Variants in BTD observed in about 807,000 individuals in gnomAD.
The protein encoded by BTD is biocytinase.
Under a neutral mutation model 17.7 loss-of-function variants are expected in BTD, and 13 were observed. That is an observed-to-expected ratio of 0.74 (90% CI 0.48 to 1.17). The LOEUF is 1.17. Among genes scored for constraint, BTD ranks in the 50% most tolerant of loss-of-function variants. The pLI is 0.00. For missense variants in BTD, 674 were observed against 650.4 expected, an observed-to-expected ratio of 1.04 and a Z score of -0.39; for synonymous variants, 240 against 245.2, an observed-to-expected ratio of 0.98 and a Z score of 0.20.
intron 1 of BTD, among the ~76,000 whole-genome samples, chr3:15,633,518 GT>G (rs1200596459): frequency 6.6e-6 from 1 of 152,170 alleles, no homozygotes; most frequent in African/African-American, 2.4e-5. Flanking sequence ...CGGTTTCCTT[GT>G]TTTGCTGGAT....
rs1260349630 is a variant in BTD at position 15,648,830 on chromosome 3, G to C, written c.*3342G>C. On this transcript the variant is annotated 3_prime_UTR_variant, in exon 4 of 4. Coordinates refer to ENST00000643237, the MANE Select transcript of BTD (RefSeq NM_001370658.1). ...ATATGACATGTCCTTATCAGAAGAG[G>C]AGAAGACACACACACAGGGAGAAGA... Among the ~76,000 whole-genome samples, 5 of 149,444 alleles carry C rather than the reference G, an allele frequency of 3.3e-5. No individual in the cohort carries two copies. The highest frequency in any genetic ancestry group is 1.2e-4 in the African/African-American group (5 of 40,712).
chr3:15,606,882 C>T (rs1262121877), intron 1 of BTD: 1 of 151,780 alleles, frequency 6.6e-6, no homozygotes, highest in East Asian at 1.9e-4. Context: ...CGGCCCAACA[C>T]AAATTCATAA....
At chr3:15,691,389 C>T (rs1303608372) in intron 3 of BTD, among the ~76,000 whole-genome samples, 4 of 152,238 alleles carry the variant, frequency 2.6e-5, no homozygotes, top group Admixed American at 6.5e-5. Context: ...TCCCAAAGTG[C>T]TGGGATTACA....
At chr3:15,656,106 TTTG>T (rs2065868665), downstream of BTD, among the ~76,000 whole-genome samples, 2 of 152,194 alleles carry the variant, frequency 1.3e-5, no homozygotes, top group African/African-American at 4.8e-5. Flanking sequence ...CCCAGCCTAC[TTTG>T]TTATTATTAT....
intron 3 of BTD, among the ~76,000 whole-genome samples, chr3:15,693,567 A>G (rs570071074): frequency 7.2e-4 from 110 of 152,324 alleles, no homozygotes; most frequent in African/African-American, 2.6e-3. Context: ...GCACCTAGAA[A>G]GTGCTCAAGA....
chr3:15,702,423 A>G (rs2070751234), intron 3 of BTD, among the ~76,000 whole-genome samples: 1 of 152,246 alleles, frequency 6.6e-6, no homozygotes, highest in Non-Finnish European at 1.5e-5. Context: ...TGAAACGCAG[A>G]CAATTAAGAA....
rs1480435742 is a variant in BTD, at chr3:15,645,287, G to A, written c.1371G>A (p.Glu457=). 2.5e-6 allele frequency: 4 copies of A among 1,614,082 alleles called. No individual in the cohort carries two copies. In the African/African-American group the frequency reaches 5.3e-5, roughly 22 times the overall value. The stretch of plus-strand genomic sequence containing the variant: ...ACACCTGTGGACAGGAAATCACAGA[G>A]GCCACGGGGATATTTGAGTTTCACC... ...GFDTCGQEIT[E]ATGIFEFHLW... Residue 457 remains glutamate (E), a synonymous_variant, in exon 4 of 4, where the codon GAG becomes GAA. Coordinates refer to ENST00000643237, the MANE Select transcript of BTD (RefSeq NM_001370658.1).
intron 3 of BTD, among the ~76,000 whole-genome samples, chr3:15,661,776 T>G (rs1162822996): frequency 6.6e-6 from 1 of 152,234 alleles, no homozygotes; most frequent in Non-Finnish European, 1.5e-5. Flanking sequence ...TACATTTAGT[T>G]CTGTGATCCA....
chr3:15,645,087 A>G lies in BTD; in HGVS notation c.1171A>G (p.Lys391Glu). The change falls in exon 4 of 4, where the codon AAG becomes GAG. Residue 391 changes from lysine (K) to glutamate (E), a missense_variant. Lys to Glu is a moderately conservative substitution (Grantham distance 56, BLOSUM62 1). Coordinates refer to ENST00000643237, the MANE Select transcript of BTD (RefSeq NM_001370658.1). ...DNFTLVPVWG[K>E]EGYLHVCSNG... ...TTTCACCCTGGTCCCTGTCTGGGGA[A>G]AGGAAGGCTATCTCCACGTCTGTTC... 6.2e-7 allele frequency: 1 copy of G among 1,614,170 alleles called. No homozygotes were observed. The highest frequency in any genetic ancestry group is 1.3e-5 in the African/African-American group (1 of 75,040).
At chr3:15,663,020 G>A (rs545819410) in intron 3 of BTD, among the ~76,000 whole-genome samples, 2 of 150,782 alleles carry the variant, frequency 1.3e-5, no homozygotes, top group East Asian at 3.9e-4. Context: ...TTTTTGAGAC[G>A]GAGTTTCGCT....
chr3:15,635,749 T>C lies in BTD; in HGVS notation c.249+61T>C. On this transcript the variant is annotated intron_variant, in intron 2 of 3. Coordinates refer to ENST00000643237, the MANE Select transcript of BTD (RefSeq NM_001370658.1). This position sits in a 1 kb window ranked among gnomAD's most constrained non-coding sequence, Gnocchi z 4.1. ...ACAGAGCAGATTGCTCTTTACCCCTTGATCAGTGGTTGGGTAATCCCAGGC... is the reference window on the plus strand; with the variant it reads ...ACAGAGCAGATTGCTCTTTACCCCTCGATCAGTGGTTGGGTAATCCCAGGC... 6.2e-7 allele frequency: 1 copy of C among 1,609,666 alleles called. No homozygotes were observed. Among genetic ancestry groups the C allele is most frequent in the Non-Finnish European group, 8.5e-7 (1 of 1,177,698 alleles).
chr3:15,655,774 C>T (rs934973695), downstream of BTD, among the ~76,000 whole-genome samples: 2 of 152,130 alleles, frequency 1.3e-5, no homozygotes, highest in Non-Finnish European at 2.9e-5. Flanking sequence ...AAACAGTATT[C>T]ATGTATGACA....
At chr3:15,720,358 CTA>C (rs938097275) in intron 4 of BTD, among the ~76,000 whole-genome samples, 2 of 152,100 alleles carry the variant, frequency 1.3e-5, no homozygotes, top group Non-Finnish European at 2.9e-5. Context: ...GTATTTTACT[CTA>C]TGTCTTTTAT....
At chr3:15,708,092 G>C in intron 3 of BTD, 2 of 1,577,346 alleles carry the variant, frequency 1.3e-6, no homozygotes, top group Non-Finnish European at 1.7e-6. Flanking sequence ...ATACAAGAAA[G>C]ATAAAAGCCA....
intron 3 of BTD, among the ~76,000 whole-genome samples, chr3:15,703,595 C>G (rs564236852): frequency 1.4e-4 from 21 of 152,316 alleles, no homozygotes; most frequent in African/African-American, 4.3e-4. Context: ...CCTTGATATT[C>G]TTGACTTCTC....
At position 15,688,119 on chromosome 3, in the gene BTD, TAAGGGACTGGCTAATGTCTCAGTTC is replaced by T. The variant is rs550636777; in HGVS notation, c.400-21938_400-21914del. 7.3e-3 allele frequency among the ~76,000 whole-genome samples: 1,115 copies of T among 152,330 alleles called. 8 individuals are homozygous for T. Among genetic ancestry groups the T allele is most frequent in the Non-Finnish European group, 0.012 (832 of 68,016 alleles). On this transcript the variant is annotated intron_variant, in intron 3 of 3. Coordinates refer to the BTD transcript ENST00000672141. ...CTATATGGCATTGGTTAACTACTTC[TAAGGGACTGGCTAATGTCTCAGTTC>T]AATATTTACCTATTGAGAGTGCAAC...
At chr3:15,704,628 C>T (rs1387013217) in intron 3 of BTD, among the ~76,000 whole-genome samples, 1 of 152,044 alleles carries the variant, frequency 6.6e-6, no homozygotes, top group African/African-American at 2.4e-5. Flanking sequence ...TGAGTTATGC[C>T]TGATTCTCTT....
exon 4 of BTD, chr3:15,711,321 A>G (rs1164145540): frequency 2.0e-6 from 3 of 1,493,318 alleles, no homozygotes; most frequent in Non-Finnish European, 2.8e-6. Context: ...ATTATTTTAC[A>G]CTAAAGAATT....
chr3:15,615,664 A>G (rs1331000860), intron 1 of BTD, among the ~76,000 whole-genome samples: 2 of 152,218 alleles, frequency 1.3e-5, no homozygotes, highest in Non-Finnish European at 2.9e-5. Flanking sequence ...AAGTTTACAT[A>G]TACTCCCTGT....
Sources: allele counts gnomAD v4.1 joint callset (sites outside exome capture counted in the v4.1 genomes callset), GRCh38; gene constraint gnomAD v4.1.1; non-coding constraint Gnocchi (gnomAD v3.1); transcripts MANE v1.5; gene names NCBI Gene and HGNC (gene_info 2026-07-23, HGNC 2026-07-21).